Variants in SNRPN observed in about 807,000 individuals in gnomAD.
SNRPN encodes the protein small nuclear ribonucleoprotein-associated protein N.
In SNRPN, 7 loss-of-function variants were observed where a neutral mutation model predicts 25.2. That is an observed-to-expected ratio of 0.28 (90% CI 0.16 to 0.52). The LOEUF is 0.52. SNRPN is among the 20% of genes least tolerant of loss of function. SNRPN has a pLI of 0.96. For missense variants in SNRPN, 196 were observed against 322.5 expected, an observed-to-expected ratio of 0.61 and a Z score of 3.00; for synonymous variants, 124 against 110.6, an observed-to-expected ratio of 1.12 and a Z score of -0.76.
chr15:24,967,828 A>AAAT, intron 2 of SNRPN, 104 bp from the exon 3 acceptor site: 1 of 819,922 alleles, frequency 1.2e-6, no homozygotes, highest in Non-Finnish European at 1.9e-6. Context: ...AAAAAAAAAA[A>AAAT]GGAATATCTT....
intron 2 of SNRPN, among the ~76,000 whole-genome samples, chr15:24,907,491 G>A (rs1447553439): frequency 5.3e-5 from 8 of 152,036 alleles, no homozygotes; most frequent in African/African-American, 1.7e-4. Flanking sequence ...CCAGCTACTC[G>A]GGAGGCTGAG....
At chr15:24,940,425 A>C (rs2061480617) in intron 3 of SNRPN, among the ~76,000 whole-genome samples, 3 of 152,118 alleles carry the variant, frequency 2.0e-5, no homozygotes, top group African/African-American at 7.2e-5. Flanking sequence ...TTGCATGTGG[A>C]TATCCAGTTT....
rs1347410843 is a variant in SNRPN at position 24,918,821 on chromosome 15, TGC to T, written c.-504-1187_-504-1186del. ...ATATATATATAACAATATATATATG[TGC>T]GCATATATATAATATATATATGCGC... is the stretch of plus-strand genomic sequence containing the variant. On this transcript the variant is annotated intron_variant, in intron 2 of 11. Transcript: ENST00000400097. Among the ~76,000 whole-genome samples, 4 of 117,152 alleles carry T rather than the reference TGC, an allele frequency of 3.4e-5. 1 individual carries two copies. Among genetic ancestry groups the T allele is most frequent in the African/African-American group, 6.3e-5 (2 of 31,778 alleles). The allele number at this position is 117,152 out of a possible 152,430, so 76.9% of individuals were successfully genotyped here.
At chr15:24,885,619 A>G (rs574107175) in intron 1 of SNRPN, among the ~76,000 whole-genome samples, 1 of 152,148 alleles carries the variant, frequency 6.6e-6, no homozygotes, top group East Asian at 1.9e-4. Context: ...GCAACATTGT[A>G]TCATTTCCCA....
intron 5 of SNRPN, 66 bp downstream of exon 5, chr15:24,975,575 A>G: frequency 7.3e-7 from 1 of 1,371,914 alleles, no homozygotes; most frequent in Non-Finnish European, 1.0e-6. Flanking sequence ...CCAGAGCTGG[A>G]GTAAGGGATT....
At chr15:24,962,055 A>G (rs977885182) in intron 1 of SNRPN, 59 bp from the exon 2 acceptor site, 5 of 1,338,468 alleles carry the variant, frequency 3.7e-6, no homozygotes, top group Non-Finnish European at 5.4e-6. Context: ...ACCTTGACAA[A>G]TAGTTATTTC....
At chr15:24,885,375 G>A (rs1218806614) in intron 1 of SNRPN, among the ~76,000 whole-genome samples, 4 of 152,168 alleles carry the variant, frequency 2.6e-5, no homozygotes, top group Non-Finnish European at 5.9e-5. Flanking sequence ...GGGTCAAAAG[G>A]TGTTCCTTTA....
In SNRPN at chr15:24,861,386, T is replaced by C. The variant is rs77867515; in HGVS notation, c.-579+4670T>C. 3.0e-3 allele frequency among the ~76,000 whole-genome samples: 461 copies of C among 152,300 alleles called. 1 individual carries two copies. The highest frequency in any genetic ancestry group is 0.011 in the African/African-American group (449 of 41,564). On this transcript the variant is annotated intron_variant, in intron 1 of 11. Coordinates refer to the SNRPN transcript ENST00000400097. The stretch of plus-strand genomic sequence containing the variant: ...TAAGTATTTAAACATGTAACCTATC[T>C]AAACATAGAAAACATAAAAAGATGG...
At chr15:24,825,215 A>G (rs916387419) in intron 1 of SNRPN, among the ~76,000 whole-genome samples, 1 of 151,990 alleles carries the variant, frequency 6.6e-6, no homozygotes, top group Non-Finnish European at 1.5e-5. Context: ...GACCTTGGTT[A>G]ATTTTTTTAA....
chr15:24,902,822 C>G (rs1269976875), intron 2 of SNRPN, among the ~76,000 whole-genome samples: 1 of 152,150 alleles, frequency 6.6e-6, no homozygotes, highest in Non-Finnish European at 1.5e-5. Context: ...GTAGTGTGGA[C>G]CCAAAGAGTG....
Position 24,968,058 on chromosome 15 carries a change from G to A in SNRPN, c.-168G>A, listed in dbSNP as rs1306776444. On this transcript the variant is annotated 5_prime_UTR_variant, in exon 3 of 10. Transcript: ENST00000390687. ...GTTAAAGCCATATTGGAGTAGCGAGGAATCTGATTCCAAGCAAAAACCAGG... is the reference window on the plus strand; with the variant it reads ...GTTAAAGCCATATTGGAGTAGCGAGAAATCTGATTCCAAGCAAAAACCAGG... The A allele has an allele frequency of 6.2e-7, 1 of 1,608,022 alleles. No homozygotes were observed. The highest frequency in any genetic ancestry group is 8.5e-7 in the Non-Finnish European group (1 of 1,174,602).
At chr15:24,834,666 G>A (rs2050854792) in intron 2 of SNRPN, among the ~76,000 whole-genome samples, 1 of 149,370 alleles carries the variant, frequency 6.7e-6, no homozygotes. Flanking sequence ...AGTGAGCTGT[G>A]ATCATGATCA....
At chr15:24,971,488 G>T in intron 3 of SNRPN, among the ~76,000 whole-genome samples, 1 of 152,004 alleles carries the variant, frequency 6.6e-6, no homozygotes, top group East Asian at 1.9e-4. Flanking sequence ...AACTCCTATT[G>T]TGAGTAAAAC....
intron 3 of SNRPN, among the ~76,000 whole-genome samples, chr15:24,925,810 C>T (rs1053236766): frequency 2.0e-5 from 3 of 151,736 alleles, no homozygotes; most frequent in South Asian, 4.2e-4. Context: ...GGCGCGATCT[C>T]GGCTCACTGC....
chr15:24,896,679 A>T (rs1011782784), intron 2 of SNRPN, among the ~76,000 whole-genome samples: 1 of 151,972 alleles, frequency 6.6e-6, no homozygotes, highest in Non-Finnish European at 1.5e-5. Context: ...GTGCCACTGC[A>T]CTCCAGCCTG....
chr15:24,955,409 C>T (rs1243038382), intron 1 of SNRPN, among the ~76,000 whole-genome samples: 5 of 151,782 alleles, frequency 3.3e-5, no homozygotes, highest in Non-Finnish European at 2.9e-5. Flanking sequence ...GTGGGTACAT[C>T]AGGGTGATTG....
intron 1 of SNRPN, among the ~76,000 whole-genome samples, chr15:24,885,081 T>C (rs2057077575): frequency 6.6e-6 from 1 of 152,208 alleles, no homozygotes; most frequent in African/African-American, 2.4e-5. Flanking sequence ...ATTCTGTTGA[T>C]TTAAAGAAAA....
intron 3 of SNRPN, among the ~76,000 whole-genome samples, chr15:24,944,552 A>G (rs542430361): frequency 7.9e-5 from 12 of 152,300 alleles, no homozygotes; most frequent in African/African-American, 2.9e-4. Flanking sequence ...ACAAAAAGCA[A>G]TTAGCTAGTG....
At chr15:24,917,018 A>G (rs2059571646) in intron 2 of SNRPN, among the ~76,000 whole-genome samples, 1 of 152,116 alleles carries the variant, frequency 6.6e-6, no homozygotes, top group South Asian at 2.1e-4. Flanking sequence ...TGATTGGTCC[A>G]TTTTACAGAG....
Sources: allele counts gnomAD v4.1 joint callset (sites outside exome capture counted in the v4.1 genomes callset), GRCh38; gene constraint gnomAD v4.1.1; transcripts MANE v1.5; gene names NCBI Gene and HGNC (gene_info 2026-07-23, HGNC 2026-07-21).